Variants in NPR2 observed in about 807,000 individuals in gnomAD.
NPR2 encodes the protein atrial natriuretic peptide receptor 2.
A neutral mutation model predicts 120.7 loss-of-function variants in NPR2; 49 were observed. The observed-to-expected ratio is 0.41, with a 90% CI of 0.32 to 0.52. NPR2 has a LOEUF of 0.52. Ranked by LOEUF, NPR2 falls within the 20% of genes least tolerant of loss-of-function variation. NPR2 has a pLI of 0.36. For synonymous variants in NPR2, 484 were observed against 519.8 expected (o/e 0.93, Z 0.94); for missense variants, 931 against 1,362.9 (o/e 0.68, Z 4.99).
At chr9:35,801,534 G>A (rs931353189) in intron 7 of NPR2, 109 bp from the exon 8 acceptor site, 7 of 1,149,220 alleles carry the variant, frequency 6.1e-6, no homozygotes, top group African/African-American at 4.5e-5. Context: ...TCTCTCAGGT[G>A]TAACAGTTGC....
chr9:35,793,587 G>A (rs1827853104), intron 1 of NPR2, among the ~76,000 whole-genome samples: 1 of 152,210 alleles, frequency 6.6e-6, no homozygotes, highest in Admixed American at 6.5e-5. Context: ...GGGCAGGGAA[G>A]AGTCAGGGAG....
rs777978018 is a variant in NPR2 at position 35,801,064 on chromosome 9, C to T, written c.1352-6C>T. On this transcript the variant is annotated splice_region_variant and splice_polypyrimidine_tract_variant and intron_variant, in intron 6 of 21. Transcript: ENST00000342694. ...GTCTTCCTCAGGGTCTCTATTTCCC[C>T]TTCAGCTCCACTTTCAACCCTGGCA... 4.3e-6 allele frequency: 7 copies of T among 1,612,996 alleles called. No individual in the cohort carries two copies. The highest frequency in any genetic ancestry group is 3.3e-5 in the Admixed American group (2 of 60,034).
At position 35,802,243 on chromosome 9, in the gene NPR2, G is replaced by T; in HGVS notation, c.1670G>T (p.Arg557Leu). 6.2e-7 allele frequency: 1 copy of T among 1,608,220 alleles called. No homozygotes were observed. Among genetic ancestry groups the T allele is most frequent in the Non-Finnish European group, 8.5e-7 (1 of 1,175,004 alleles). Residue 557 changes from arginine to leucine, a missense_variant, in exon 10 of 22, where the codon CGC (arginine) becomes CTC (leucine). Transcript: ENST00000342694. This position sits in a 1 kb window ranked among gnomAD's most constrained non-coding sequence, Gnocchi z 4.2. ...GCCATCAAACATGTGAATAAGAAGC[G>T]CATTGAGCTGACCCGGCAGGTTCTG... ...VVAIKHVNKK[R>L]IELTRQVLFE...
At position 35,792,112 on chromosome 9, in the gene NPR2, G is replaced by C. The variant is rs1424788953; in HGVS notation, c.-297G>C. On this transcript the variant is annotated 5_prime_UTR_variant, in exon 1 of 22. Coordinates refer to ENST00000342694, the MANE Select transcript of NPR2 (RefSeq NM_003995.4). ...TAGATTTATCAGGCTTCTTCACCTC[G>C]CACTGTCCCCATCCTGGCCGCAGGC... 4.4e-6 allele frequency: 2 copies of C among 457,936 alleles called. No individual in the cohort carries two copies. Among genetic ancestry groups the C allele is most frequent in the Non-Finnish European group, 7.8e-6 (2 of 254,930 alleles). 28.4% of individuals were successfully genotyped at this position (457,936 alleles called of 1,614,324 possible).
At position 35,792,190 on chromosome 9, in the gene NPR2, C is replaced by A; in HGVS notation, c.-219C>A. On this transcript the variant is annotated 5_prime_UTR_variant, in exon 1 of 22. An upstream open reading frame in the 5' UTR gains an earlier in-frame stop. Coordinates refer to ENST00000342694, the MANE Select transcript of NPR2 (RefSeq NM_003995.4). ...CCCCGTTCTCAGTCCTCAGTCCTTG[C>A]CCTAGGCTGGTAGCCCACTCCTTGC... 1.9e-6 allele frequency: 1 copy of A among 524,876 alleles called. No homozygotes were observed. The highest frequency in any genetic ancestry group is 3.4e-6 in the Non-Finnish European group (1 of 293,808). The allele number at this position is 524,876 out of a possible 1,614,324, so 32.5% of individuals were successfully genotyped here. A position where few individuals can be genotyped will look rare whatever the true frequency, so the allele number is the denominator to read the frequency against.
At position 35,792,918 on chromosome 9, in the gene NPR2, C is replaced by T. The variant is rs1468503790; in HGVS notation, c.510C>T (p.Tyr170=). 2 of 1,613,972 alleles carry T rather than the reference C, an allele frequency of 1.2e-6. No individual in the cohort carries two copies. Among genetic ancestry groups the T allele is most frequent in the Non-Finnish European group, 1.7e-6 (2 of 1,180,034 alleles). The change falls in exon 1 of 22, where the codon TAC becomes TAT. Residue 170 remains tyrosine, a synonymous_variant. Coordinates refer to ENST00000342694, the MANE Select transcript of NPR2 (RefSeq NM_003995.4). The stretch of plus-strand genomic sequence containing the variant: ...GGACTGCCCGTGCTGCCTTGCTGTA[C>T]CTGGATGCTCGCACAGATGACCGGC... The part of the protein sequence containing the change: ...FNWTARAALL[Y]LDARTDDRPH...
Position 35,806,377 on chromosome 9 carries a change from C to T in NPR2, c.2373-15C>T, listed in dbSNP as rs774886377. On this transcript the variant is annotated splice_polypyrimidine_tract_variant and intron_variant, in intron 15 of 21. Coordinates refer to ENST00000342694, the MANE Select transcript of NPR2 (RefSeq NM_003995.4). The surrounding 1 kb of genome is among the most constrained non-coding windows in gnomAD (Gnocchi z 4.6). ...AGAATCTTAGAGCAAGTGCCTTATC[C>T]TGGCCTCCCTCTAGGGAGGGTGGCA... 8 of 1,613,292 alleles carry T rather than the reference C, an allele frequency of 5.0e-6. No individual in the cohort carries two copies. The African/African-American group carries it at 9.3e-5, about 19-fold the overall frequency.
At position 35,808,533 on chromosome 9, in the gene NPR2, A is replaced by G. The variant is rs747212759; in HGVS notation, c.2737A>G (p.Met913Val). 1.9e-6 allele frequency: 3 copies of G among 1,614,072 alleles called. No homozygotes were observed. The highest frequency in any genetic ancestry group is 2.2e-5 in the East Asian group (1 of 44,884). The change falls in exon 19 of 22, where the codon ATG becomes GTG. Residue 913 changes from methionine (M) to valine (V), a missense_variant. Physicochemically the swap from Met to Val is conservative, Grantham distance 21. Around this residue, in one of 3 missense-constraint regions of NPR2, gnomAD observed 184 missense variants for 328.3 expected, o/e 0.56. Coordinates refer to ENST00000342694, the MANE Select transcript of NPR2 (RefSeq NM_003995.4). This position sits in a 1 kb window ranked among gnomAD's most constrained non-coding sequence, Gnocchi z 4.0. ...GGTGGAGACGATTGGGGATGCTTAC[A>G]TGGTGGTATCTGGCCTCCCAGGCCG... Reference protein sequence around the residue: ...YKVETIGDAYMVVSGLPGRNG... With the variant: ...YKVETIGDAYVVVSGLPGRNG...
chr9:35,808,485 C>T lies in NPR2; in HGVS notation c.2713-24C>T. 1 of 1,611,948 alleles carries T rather than the reference C, an allele frequency of 6.2e-7. No homozygotes were observed. The highest frequency in any genetic ancestry group is 8.5e-7 in the Non-Finnish European group (1 of 1,178,206). On this transcript the variant is annotated intron_variant, in intron 18 of 21. Coordinates refer to ENST00000342694, the MANE Select transcript of NPR2 (RefSeq NM_003995.4). This position sits in a 1 kb window ranked among gnomAD's most constrained non-coding sequence, Gnocchi z 4.0. ...TCCCCATGGATATAAATAGAGGTGA[C>T]CTTTTAATCCCCCTCTCAATCAGGT...
Position 35,802,143 on chromosome 9 carries a change from C to T in NPR2, c.1633-63C>T. 2 of 1,320,986 alleles carry T rather than the reference C, an allele frequency of 1.5e-6. No homozygotes were observed. The highest frequency in any genetic ancestry group is 2.3e-5 in the South Asian group (2 of 85,196). The allele number at this position is 1,320,986 out of a possible 1,614,324, so 81.8% of individuals were successfully genotyped here. ...CCTGGGTGCTTCCACTGCTCTCTAG[C>T]ATTTCCTTGTACCCAGAACTTCTGA... On this transcript the variant is annotated intron_variant, in intron 9 of 21. Coordinates refer to ENST00000342694, the MANE Select transcript of NPR2 (RefSeq NM_003995.4). The surrounding 1 kb of genome is among the most constrained non-coding windows in gnomAD (Gnocchi z 4.2).
In NPR2 at chr9:35,792,466, C is replaced by G. The variant is rs777786340; in HGVS notation, c.58C>G (p.Pro20Ala). Reference protein sequence around the residue: ...VAALAGGVRPPGARNLTLAVV... With the variant: ...VAALAGGVRPAGARNLTLAVV... The stretch of plus-strand genomic sequence containing the variant: ...AGCCCTGGCAGGTGGGGTGCGTCCT[C>G]CCGGGGCGCGGAACCTGACGCTGGC... The change falls in exon 1 of 22, where the codon CCC becomes GCC. Residue 20 changes from proline (P) to alanine (A), a missense_variant. Transcript: ENST00000342694. 8 of 1,611,130 alleles carry G rather than the reference C, an allele frequency of 5.0e-6. No individual in the cohort carries two copies. The highest frequency in any genetic ancestry group is 1.7e-5 in the Admixed American group (1 of 60,010).
Position 35,802,692 on chromosome 9 carries a change from T to C in NPR2, c.1816-40T>C. On this transcript the variant is annotated intron_variant, in intron 11 of 21. Transcript: ENST00000342694. The surrounding 1 kb of genome is among the most constrained non-coding windows in gnomAD (Gnocchi z 4.2). ...TGACTCTATGCTGGGTGATAGCTGG[T>C]GGGACCAGGACAGACAGTCTATTCC... 5.9e-6 allele frequency: 9 copies of C among 1,534,964 alleles called. No homozygotes were observed. Among genetic ancestry groups the C allele is most frequent in the Non-Finnish European group, 8.1e-6 (9 of 1,107,882 alleles).
Position 35,805,811 on chromosome 9 carries a change from G to A in NPR2, c.2048-19G>A. ...TGCCCCATTTCGGGGGACCTGGCCA[G>A]CCGGTTTCCTCTTTTCAGAGAAGCT... On this transcript the variant is annotated intron_variant, in intron 13 of 21. Coordinates refer to ENST00000342694, the MANE Select transcript of NPR2 (RefSeq NM_003995.4). The surrounding 1 kb of genome is among the most constrained non-coding windows in gnomAD (Gnocchi z 4.9). The A allele has an allele frequency of 1.2e-6, 2 of 1,613,802 alleles. No homozygotes were observed. The highest frequency in any genetic ancestry group is 1.7e-6 in the Non-Finnish European group (2 of 1,179,912).
In NPR2 at chr9:35,805,686, A is replaced by G; in HGVS notation, c.2047+16A>G. ...CTCTATGCCAGTGAGGCCCACCCCCACAACCCACTTTTTATATTGCTCCTC... is the reference window on the plus strand; with the variant it reads ...CTCTATGCCAGTGAGGCCCACCCCCGCAACCCACTTTTTATATTGCTCCTC... On this transcript the variant is annotated intron_variant, in intron 13 of 21. Coordinates refer to ENST00000342694, the MANE Select transcript of NPR2 (RefSeq NM_003995.4). The surrounding 1 kb of genome is among the most constrained non-coding windows in gnomAD (Gnocchi z 4.9). 6.2e-7 allele frequency: 1 copy of G among 1,613,740 alleles called. No individual in the cohort carries two copies.
chr9:35,807,229 G>T, intron 17 of NPR2, 83 bp downstream of exon 17: 2 of 1,498,550 alleles, frequency 1.3e-6, no homozygotes, highest in Non-Finnish European at 1.9e-6. Context: ...GGAAAGATGA[G>T]TTTGTTCTAG....
Position 35,808,232 on chromosome 9 carries a change from GC to G in NPR2, c.2713-275del, listed in dbSNP as rs762470477. 3 of 1,614,100 alleles carry G rather than the reference GC, an allele frequency of 1.9e-6. No individual in the cohort carries two copies. In the South Asian group the frequency reaches 3.3e-5, roughly 18 times the overall value. On this transcript the variant is annotated intron_variant, in intron 18 of 21. Transcript: ENST00000342694. The surrounding 1 kb of genome is among the most constrained non-coding windows in gnomAD (Gnocchi z 4.0). ...TTGCTTCCCATTTCCTGATGGCAGA[GC>G]CTATTTGTCCATGTCCTGCTGCAGA...
rs773478755 is a variant in NPR2, at chr9:35,809,511, G to A, written c.*66G>A. On this transcript the variant is annotated 3_prime_UTR_variant, in exon 22 of 22. Coordinates refer to ENST00000342694, the MANE Select transcript of NPR2 (RefSeq NM_003995.4). The surrounding 1 kb of genome is among the most constrained non-coding windows in gnomAD (Gnocchi z 4.1). ...TACCTGGGTGGGCAATGGCCACCATGTCTGCACACACCAGAAATGGACATT... is the reference window on the plus strand; with the variant it reads ...TACCTGGGTGGGCAATGGCCACCATATCTGCACACACCAGAAATGGACATT... 1 of 1,612,584 alleles carries A rather than the reference G, an allele frequency of 6.2e-7. No individual in the cohort carries two copies. The highest frequency in any genetic ancestry group is 1.3e-5 in the African/African-American group (1 of 74,850).
Position 35,792,510 on chromosome 9 carries a change from C to T in NPR2, c.102C>T (p.His34=), listed in dbSNP as rs777192647. The stretch of plus-strand genomic sequence containing the variant: ...CGCTGGCGGTGGTGCTGCCAGAACA[C>T]AACCTGAGCTATGCCTGGGCCTGGC... ...NLTLAVVLPE[H]NLSYAWAWPR... Residue 34 remains histidine, a synonymous_variant, in exon 1 of 22, where the codon CAC becomes CAT. Transcript: ENST00000342694. The T allele has an allele frequency of 1.9e-6, 3 of 1,610,502 alleles. No individual in the cohort carries two copies. Among genetic ancestry groups the T allele is most frequent in the Non-Finnish European group, 2.5e-6 (3 of 1,179,938 alleles).
At position 35,800,442 on chromosome 9, in the gene NPR2, G is replaced by A. The variant is rs1828106635; in HGVS notation, c.1177G>A (p.Val393Ile). The change falls in exon 5 of 22, where the codon GTC (valine) becomes ATC (isoleucine). Residue 393 changes from valine (V) to isoleucine (I), a missense_variant. Val to Ile is a conservative substitution (Grantham distance 29). This residue lies in a region of NPR2 where 681 missense variants were observed against 974.3 expected (regional missense o/e 0.70). Coordinates refer to ENST00000342694, the MANE Select transcript of NPR2 (RefSeq NM_003995.4). This position sits in a 1 kb window ranked among gnomAD's most constrained non-coding sequence, Gnocchi z 4.7. ...DKNNDRETDF[V>I]LWAMGDLDSG... is the part of the protein sequence containing the mutation. ...GAACAATGACCGAGAGACTGACTTT[G>A]TCCTCTGGGCCATGGGAGACCTGGA... is the stretch of plus-strand genomic sequence containing the variant. 3 of 1,614,164 alleles carry A rather than the reference G, an allele frequency of 1.9e-6. No individual in the cohort carries two copies. In the South Asian group the frequency reaches 3.3e-5, roughly 18 times the overall value.
Sources: allele counts gnomAD v4.1 joint callset (sites outside exome capture counted in the v4.1 genomes callset), GRCh38; gene constraint gnomAD v4.1.1; regional missense constraint gnomAD v4.1.1; non-coding constraint Gnocchi (gnomAD v3.1); transcripts MANE v1.5; gene names NCBI Gene and HGNC (gene_info 2026-07-23, HGNC 2026-07-21).